The following SUN3 variants were observed in gnomAD, a reference collection of about 807,000 sequenced individuals.
SUN3 encodes the protein Sad1 and UNC84 domain containing 3.
SUN3 carries 36 observed loss-of-function variants against 48.2 expected under a neutral mutation model. That is an observed-to-expected ratio of 0.75 (90% CI 0.57 to 0.99). The LOEUF is 0.99. Among genes scored for constraint, SUN3 ranks in the 50% least tolerant of loss-of-function variants. The pLI, the probability that SUN3 is intolerant of heterozygous loss-of-function variation, is 0.00. For missense variants in SUN3, 419 were observed against 433.1 expected (o/e 0.97, Z 0.29); for synonymous variants, 148 against 147.9 (o/e 1.00, Z 0.00).
chr7:48,026,581 AACACAC>A lies in SUN3; in HGVS notation c.123-649_123-644del, dbSNP rs112192395. ...TGGACTGAATTGCACCCCACCCCCC[AACACAC>A]ACACACACACACACACACACACACA... is the stretch of plus-strand genomic sequence containing the variant. On this transcript the variant is annotated intron_variant, in intron 1 of 9. Coordinates refer to ENST00000297325, the MANE Select transcript of SUN3 (RefSeq NM_001030019.2). 1.5e-3 allele frequency among the ~76,000 whole-genome samples: 216 copies of A among 145,700 alleles called. 1 individual carries two copies. Among genetic ancestry groups the A allele is most frequent in the African/African-American group, 4.9e-3 (192 of 39,396 alleles).
At chr7:48,026,959 A>G (rs13233823) in intron 1 of SUN3, among the ~76,000 whole-genome samples, 8 of 152,182 alleles carry the variant, frequency 5.3e-5, no homozygotes, top group Non-Finnish European at 1.0e-4. Flanking sequence ...AGATGAATAT[A>G]CCAAGCCCAT....
intron 2 of SUN3, among the ~76,000 whole-genome samples, chr7:48,025,352 G>T (rs764564023): frequency 1.4e-4 from 21 of 152,138 alleles, no homozygotes; most frequent in Non-Finnish European, 2.4e-4. Flanking sequence ...TAACTGGGTT[G>T]AAACTTTTAT....
upstream of SUN3, among the ~76,000 whole-genome samples, chr7:48,033,396 T>C (rs1790276975): frequency 1.3e-5 from 2 of 151,094 alleles, no homozygotes; most frequent in African/African-American, 4.9e-5. Context: ...CCATTGTCTC[T>C]AAAAAAAATT....
chr7:48,027,887 A>T (rs1418280069), intron 1 of SUN3, among the ~76,000 whole-genome samples: 3 of 152,212 alleles, frequency 2.0e-5, no homozygotes, highest in African/African-American at 7.2e-5. Flanking sequence ...TTCATAGGTC[A>T]GTTATGGTCT....
chr7:48,028,543 T>C (rs1790199495), intron 1 of SUN3, among the ~76,000 whole-genome samples: 1 of 149,208 alleles, frequency 6.7e-6, no homozygotes, highest in Admixed American at 6.7e-5. Context: ...TTCCTGCTGC[T>C]GTGGCTCATT....
intron 6 of SUN3, among the ~76,000 whole-genome samples, chr7:48,002,151 CTTTTT>C (rs71006541): frequency 4.1e-4 from 26 of 64,156 alleles, no homozygotes; most frequent in South Asian, 2.8e-3. Context: ...TTGCATTTCT[CTTTTT>C]TTTTTTTTTT....
chr7:48,010,559 C>T (rs563822369), intron 3 of SUN3, among the ~76,000 whole-genome samples: 5 of 152,248 alleles, frequency 3.3e-5, no homozygotes, highest in South Asian at 2.1e-4. Flanking sequence ...AAACGAAGGC[C>T]GACCCAAGCA....
intron 1 of SUN3, among the ~76,000 whole-genome samples, chr7:48,026,195 A>G (rs1180250518): frequency 6.6e-6 from 1 of 152,178 alleles, no homozygotes; most frequent in Non-Finnish European, 1.5e-5. Context: ...CACATATGCA[A>G]TGCTTATGCT....
intron 6 of SUN3, among the ~76,000 whole-genome samples, chr7:48,001,531 G>GTTT (rs1166666161): frequency 3.7e-4 from 41 of 110,502 alleles, no homozygotes; most frequent in African/African-American, 6.9e-4. Flanking sequence ...TGTTTTTTTT[G>GTTT]TTTTTTTTTT....
intron 3 of SUN3, among the ~76,000 whole-genome samples, chr7:48,015,932 G>A (rs1789799389): frequency 1.3e-5 from 2 of 152,058 alleles, no homozygotes; most frequent in Non-Finnish European, 2.9e-5. Context: ...TCTTGCTTGG[G>A]GACCAATCTG....
In SUN3 at chr7:48,025,873, T is replaced by A; in HGVS notation, c.184+4A>T. The A allele has an allele frequency of 6.3e-7, 1 of 1,589,090 alleles. No homozygotes were observed. Among genetic ancestry groups the A allele is most frequent in the Non-Finnish European group, 8.6e-7 (1 of 1,160,300 alleles). On this transcript the variant is annotated splice_donor_region_variant and intron_variant, in intron 2 of 9. Transcript: ENST00000297325. ...TTTAAGGATCATTACTTAGGAAGAC[T>A]TACCTACAAGAAGAAAAGTCAGTGT...
At chr7:47,989,211 TA>T (rs1485407861) in intron 8 of SUN3, among the ~76,000 whole-genome samples, 2 of 152,198 alleles carry the variant, frequency 1.3e-5, no homozygotes, top group Non-Finnish European at 2.9e-5. Context: ...GATACATACA[TA>T]TAGAGCAAAT....
At chr7:47,990,748 T>A (rs1226068125) in intron 8 of SUN3, among the ~76,000 whole-genome samples, 1 of 151,776 alleles carries the variant, frequency 6.6e-6, no homozygotes, top group Non-Finnish European at 1.5e-5. Flanking sequence ...AGAAACAGGA[T>A]CTGATGGAAT....
chr7:47,987,393 T>C lies in SUN3; in HGVS notation c.1011A>G (p.Gly337=). ...GATATAAACAAGTATACTTCGGGTG[T>C]CCCCAGTTGCTAAAGATATTAAGTT... ...CVKLNIFSNW[G]HPKYTCLYRF... The change falls in exon 10 of 10, where the codon GGA becomes GGG. Residue 337 remains glycine, a synonymous_variant. Coordinates refer to ENST00000297325, the MANE Select transcript of SUN3 (RefSeq NM_001030019.2). 1.2e-6 allele frequency: 2 copies of C among 1,608,270 alleles called. No individual in the cohort carries two copies. Among genetic ancestry groups the C allele is most frequent in the Non-Finnish European group, 1.7e-6 (2 of 1,177,292 alleles).
chr7:48,014,385 T>A (rs762309498), intron 3 of SUN3, among the ~76,000 whole-genome samples: 25 of 152,222 alleles, frequency 1.6e-4, no homozygotes, highest in Non-Finnish European at 3.2e-4. Flanking sequence ...TTATTAAGCC[T>A]CCATTTACCT....
intron 9 of SUN3, among the ~76,000 whole-genome samples, chr7:47,987,655 C>T (rs1788938155): frequency 6.6e-6 from 1 of 151,954 alleles, no homozygotes. Flanking sequence ...CAGCTCAGAC[C>T]CCCGAGTAGC....
intron 8 of SUN3, chr7:47,990,925 G>C (rs889340140): frequency 5.0e-6 from 2 of 402,842 alleles, no homozygotes; most frequent in African/African-American, 5.3e-5. Flanking sequence ...ACAAAGCGGA[G>C]CAACAGACAC....
Position 47,987,293 on chromosome 7 carries a change from T to C in SUN3, c.*37A>G. ...CTAAGAGAATAAGCATTCTTGAATA[T>C]TCTGGACATGTGGCATGGCCTTCTG... On this transcript the variant is annotated 3_prime_UTR_variant, in exon 10 of 10. Coordinates refer to ENST00000297325, the MANE Select transcript of SUN3 (RefSeq NM_001030019.2). The C allele has an allele frequency of 6.3e-7, 1 of 1,595,542 alleles. No homozygotes were observed. The highest frequency in any genetic ancestry group is 1.1e-5 in the South Asian group (1 of 87,386).
rs748356112 is a variant in SUN3 at position 48,007,367 on chromosome 7, A to G, written c.330-40T>C. 3.8e-6 allele frequency: 6 copies of G among 1,593,186 alleles called. No homozygotes were observed. In the South Asian group the frequency reaches 6.8e-5, roughly 18 times the overall value. ...TCTCAGCATGAGAGGAAGAAAGTGT[A>G]AAGCTCCTGTTATCAGCTGTTGCTG... On this transcript the variant is annotated intron_variant, in intron 4 of 9. Coordinates refer to ENST00000297325, the MANE Select transcript of SUN3 (RefSeq NM_001030019.2).
Sources: allele counts gnomAD v4.1 joint callset (sites outside exome capture counted in the v4.1 genomes callset), GRCh38; gene constraint gnomAD v4.1.1; transcripts MANE v1.5; gene names NCBI Gene and HGNC (gene_info 2026-07-23, HGNC 2026-07-21).